RAB3C: variants seen among roughly 807,000 people sequenced by gnomAD.
RAB3C encodes ras-related protein Rab-3C.
Under a neutral mutation model 26.4 loss-of-function variants are expected in RAB3C, and 17 were observed. The observed-to-expected ratio is 0.64, with a 90% CI of 0.44 to 0.97. The LOEUF is 0.97. RAB3C is among the 50% of genes least tolerant of loss of function. The probability of loss-of-function intolerance (pLI) is 0.00; values close to 1 mark genes in which losing one functional copy is unlikely to be tolerated. For synonymous variants in RAB3C, 91 were observed against 95.9 expected (o/e 0.95, Z 0.30); for missense variants, 242 against 281.9 (o/e 0.86, Z 1.01).
At chr5:58,682,696 GA>G (rs548127913) in intron 2 of RAB3C, among the ~76,000 whole-genome samples, 8,195 of 73,840 alleles carry the variant, frequency 0.11, 373 homozygotes, top group East Asian at 0.25. Context: ...AAAGAAAAAA[GA>G]AAAAAAAAAA....
At chr5:58,818,658 C>T (rs574338713) in intron 3 of RAB3C, among the ~76,000 whole-genome samples, 1 of 152,282 alleles carries the variant, frequency 6.6e-6, no homozygotes, top group African/African-American at 2.4e-5. Flanking sequence ...TTGAGATTAA[C>T]AGTAAATCCC....
intron 3 of RAB3C, among the ~76,000 whole-genome samples, chr5:58,769,056 T>G (rs1227230916): frequency 6.6e-6 from 1 of 151,764 alleles, no homozygotes; most frequent in Non-Finnish European, 1.5e-5. Context: ...ATATTGAAAG[T>G]AAACTGGGCA....
intron 1 of RAB3C, among the ~76,000 whole-genome samples, chr5:58,615,015 T>G (rs1262905658): frequency 6.6e-6 from 1 of 152,148 alleles, no homozygotes. Flanking sequence ...CCACACCATT[T>G]TATATCAAGT....
At chr5:58,785,816 G>A (rs1032973939) in intron 3 of RAB3C, among the ~76,000 whole-genome samples, 1 of 152,348 alleles carries the variant, frequency 6.6e-6, no homozygotes, top group Non-Finnish European at 1.5e-5. Flanking sequence ...GATTATTCAG[G>A]TAAATCTAAT....
At chr5:58,640,891 A>C (rs546421640) in intron 2 of RAB3C, among the ~76,000 whole-genome samples, 1 of 152,330 alleles carries the variant, frequency 6.6e-6, no homozygotes, top group South Asian at 2.1e-4. Flanking sequence ...GGCTTCCAAA[A>C]GACAGTTTTA....
chr5:58,773,330 G>A (rs897282374), intron 3 of RAB3C, among the ~76,000 whole-genome samples: 1 of 152,126 alleles, frequency 6.6e-6, no homozygotes, highest in East Asian at 1.9e-4. Context: ...ATTAGTAAAA[G>A]CATGTTTCTG....
At chr5:58,583,260 G>T in intron 1 of RAB3C, 28 bp downstream of exon 1, 1 of 1,613,950 alleles carries the variant, frequency 6.2e-7, no homozygotes, top group Non-Finnish European at 8.5e-7. Context: ...GAGTGGCCTC[G>T]GGAGGAATTG....
At chr5:58,673,515 A>C (rs1579850553) in intron 2 of RAB3C, among the ~76,000 whole-genome samples, 1 of 151,384 alleles carries the variant, frequency 6.6e-6, no homozygotes, top group Admixed American at 6.6e-5. Context: ...CATTTATGAC[A>C]ATCTCTTAAA....
At chr5:58,778,216 C>A (rs977018635) in intron 3 of RAB3C, among the ~76,000 whole-genome samples, 1 of 152,100 alleles carries the variant, frequency 6.6e-6, no homozygotes, top group Admixed American at 6.6e-5. Flanking sequence ...AAAAGCAGCA[C>A]TCTTCATTAG....
intron 4 of RAB3C, among the ~76,000 whole-genome samples, chr5:58,826,942 G>T (rs545035652): frequency 7.9e-5 from 12 of 152,128 alleles, no homozygotes; most frequent in Non-Finnish European, 1.3e-4. Context: ...TTTCTCATGA[G>T]CTTAATGAGT....
At chr5:58,737,533 C>A (rs1741177627) in intron 3 of RAB3C, among the ~76,000 whole-genome samples, 1 of 149,338 alleles carries the variant, frequency 6.7e-6, no homozygotes. Context: ...CCCTTCTATG[C>A]AGTATTATAT....
intron 3 of RAB3C, among the ~76,000 whole-genome samples, chr5:58,728,163 A>G (rs1174088203): frequency 6.6e-6 from 1 of 151,942 alleles, no homozygotes; most frequent in East Asian, 1.9e-4. Flanking sequence ...TGATCACTTG[A>G]TTTATTAGGG....
chr5:58,713,395 CACG>C (rs956094117), intron 2 of RAB3C, among the ~76,000 whole-genome samples: 2 of 152,178 alleles, frequency 1.3e-5, no homozygotes, highest in Non-Finnish European at 2.9e-5. Flanking sequence ...GAATTTTAAA[CACG>C]ACGTTAATCA....
intron 2 of RAB3C, among the ~76,000 whole-genome samples, chr5:58,628,295 CAA>C (rs1747107857): frequency 6.7e-6 from 1 of 149,784 alleles, no homozygotes. Context: ...TGGAGAAAAA[CAA>C]AGAGGATAAT....
intron 1 of RAB3C, among the ~76,000 whole-genome samples, chr5:58,606,432 A>G (rs1468782977): frequency 6.6e-6 from 1 of 152,198 alleles, no homozygotes; most frequent in Non-Finnish European, 1.5e-5. Context: ...AGCAAGGCCT[A>G]CTGCCTCTAT....
intron 2 of RAB3C, among the ~76,000 whole-genome samples, chr5:58,668,319 ACTAT>A (rs1748041999): frequency 6.6e-6 from 1 of 152,202 alleles, no homozygotes; most frequent in Non-Finnish European, 1.5e-5. Context: ...AATGGTTCAC[ACTAT>A]CTAGAATTTA....
At chr5:58,616,630 G>A (rs190191460) in intron 1 of RAB3C, among the ~76,000 whole-genome samples, 109 of 152,170 alleles carry the variant, frequency 7.2e-4, no homozygotes, top group African/African-American at 2.4e-3. Flanking sequence ...TTTACATATC[G>A]CTTTACAGCT....
chr5:58,824,138 G>A (rs1441498859), intron 3 of RAB3C, among the ~76,000 whole-genome samples: 1 of 151,788 alleles, frequency 6.6e-6, no homozygotes, highest in African/African-American at 2.4e-5. Flanking sequence ...TTGGACATTT[G>A]GGTTGGTTCC....
intron 3 of RAB3C, among the ~76,000 whole-genome samples, chr5:58,753,488 A>C (rs767155342): frequency 1.1e-4 from 16 of 152,174 alleles, no homozygotes; most frequent in Non-Finnish European, 1.9e-4. Context: ...AACTTGATCG[A>C]GAAGTAATCC....
Sources: allele counts gnomAD v4.1 joint callset (sites outside exome capture counted in the v4.1 genomes callset), GRCh38; gene constraint gnomAD v4.1.1; transcripts MANE v1.5; gene names NCBI Gene and HGNC (gene_info 2026-07-23, HGNC 2026-07-21).